The following GFRAL variants were observed in gnomAD, a reference collection of about 807,000 sequenced individuals.
GFRAL encodes GDNF family receptor alpha-like.
A neutral mutation model predicts 45.4 loss-of-function variants in GFRAL; 36 were observed. That is an observed-to-expected ratio of 0.79 (90% confidence interval 0.61 to 1.05). GFRAL has a LOEUF of 1.05. GFRAL is among the 50% of genes least tolerant of loss of function. The probability of loss-of-function intolerance (pLI) is 0.00; values close to 1 mark genes in which losing one functional copy is unlikely to be tolerated. For synonymous variants in GFRAL, 166 were observed against 154.1 expected, an observed-to-expected ratio of 1.08 and a Z score of -0.57; for missense variants, 507 against 467.5, an observed-to-expected ratio of 1.08 and a Z score of -0.78.
chr6:55,383,284 A>G (rs1768636165), intron 6 of GFRAL, among the ~76,000 whole-genome samples: 1 of 147,928 alleles, frequency 6.8e-6, no homozygotes, highest in African/African-American at 2.7e-5. Flanking sequence ...AATAGCAATT[A>G]CCTCAACAAT....
intron 6 of GFRAL, among the ~76,000 whole-genome samples, chr6:55,368,458 C>T (rs1166737236): frequency 2.1e-4 from 32 of 150,588 alleles, no homozygotes; most frequent in African/African-American, 4.4e-4. Context: ...AGTCATTCTC[C>T]GTCCAGCTTT....
At chr6:55,382,070 G>T (rs957654889) in intron 6 of GFRAL, among the ~76,000 whole-genome samples, 2 of 151,842 alleles carry the variant, frequency 1.3e-5, no homozygotes, top group Admixed American at 1.3e-4. Flanking sequence ...TGCTAAAAAA[G>T]CTTCTTGGTT....
At chr6:55,379,366 T>C (rs928275500) in intron 6 of GFRAL, among the ~76,000 whole-genome samples, 2 of 151,860 alleles carry the variant, frequency 1.3e-5, no homozygotes, top group East Asian at 1.9e-4. Flanking sequence ...TCTTTAACAC[T>C]CTGCCTTTAA....
chr6:55,374,342 C>T (rs566722032), intron 6 of GFRAL, among the ~76,000 whole-genome samples: 13 of 151,928 alleles, frequency 8.6e-5, no homozygotes, highest in African/African-American at 2.9e-4. Context: ...TCACAATGGT[C>T]GCATGTTAGT....
At chr6:55,391,244 C>G (rs2127365660) in intron 6 of GFRAL, among the ~76,000 whole-genome samples, 1 of 152,192 alleles carries the variant, frequency 6.6e-6, no homozygotes, top group Admixed American at 6.5e-5. Context: ...CAAATATTTT[C>G]TAAAACATCA....
At chr6:55,394,299 A>G in intron 6 of GFRAL, among the ~76,000 whole-genome samples, 1 of 152,168 alleles carries the variant, frequency 6.6e-6, no homozygotes. Flanking sequence ...TCATTGGAAA[A>G]CTGAGATCAC....
chr6:55,375,549 T>C (rs1768512473), intron 6 of GFRAL, among the ~76,000 whole-genome samples: 1 of 152,102 alleles, frequency 6.6e-6, no homozygotes, highest in Non-Finnish European at 1.5e-5. Context: ...TCCCTAGATA[T>C]AGGATCGTAT....
chr6:55,331,188 A>G (rs1159135375), intron 1 of GFRAL, among the ~76,000 whole-genome samples: 2 of 152,184 alleles, frequency 1.3e-5, no homozygotes, highest in East Asian at 3.8e-4. Flanking sequence ...GTATAAAATG[A>G]AAATAGAAAA....
At chr6:55,396,970 C>A (rs1431262879) in intron 6 of GFRAL, among the ~76,000 whole-genome samples, 1 of 150,824 alleles carries the variant, frequency 6.6e-6, no homozygotes, top group Non-Finnish European at 1.5e-5. Context: ...TCTGGAATGC[C>A]TGGGCTCAAG....
At chr6:55,398,504 G>T (rs78032787) in intron 6 of GFRAL, among the ~76,000 whole-genome samples, 6,544 of 152,270 alleles carry the variant, frequency 0.043, 204 homozygotes, top group African/African-American at 0.073. Flanking sequence ...TCAGTTAATT[G>T]TAACAATTGC....
chr6:55,362,682 C>G (rs112012206), intron 6 of GFRAL, among the ~76,000 whole-genome samples: 1 of 151,870 alleles, frequency 6.6e-6, no homozygotes. Context: ...TCCATTATAC[C>G]GAAGGAGTGA....
At chr6:55,399,687 TC>T (rs1348377673) in intron 8 of GFRAL, among the ~76,000 whole-genome samples, 5 of 152,130 alleles carry the variant, frequency 3.3e-5, no homozygotes, top group African/African-American at 1.2e-4. Flanking sequence ...CATTGTATGT[TC>T]CTTCCAATTA....
chr6:55,364,624 A>G (rs1314895017), intron 6 of GFRAL, among the ~76,000 whole-genome samples: 1 of 148,310 alleles, frequency 6.7e-6, no homozygotes, highest in Non-Finnish European at 1.5e-5. Flanking sequence ...TATAAGGTGT[A>G]AGGAAGGGAT....
intron 6 of GFRAL, among the ~76,000 whole-genome samples, chr6:55,363,546 C>G (rs1768308605): frequency 6.7e-6 from 1 of 149,038 alleles, no homozygotes; most frequent in African/African-American, 2.5e-5. Flanking sequence ...ACTAAATCGT[C>G]ATCTAGCATT....
At position 55,396,876 on chromosome 6, in the gene GFRAL, CT is replaced by C. The variant is rs369457794; in HGVS notation, c.953-2287del. Among the ~76,000 whole-genome samples, 664 of 127,846 alleles carry C rather than the reference CT, an allele frequency of 5.2e-3. 1 individual carries two copies. The highest frequency in any genetic ancestry group is 0.036 in the Middle Eastern group (8 of 222). The allele number at this position is 127,846 out of a possible 152,430, so 83.9% of individuals were successfully genotyped here. A position where few individuals can be genotyped will look rare whatever the true frequency, so the allele number is the denominator to read the frequency against. On this transcript the variant is annotated intron_variant, in intron 6 of 8. Coordinates refer to ENST00000340465, the MANE Select transcript of GFRAL (RefSeq NM_207410.2). ...ATTTTGCATTCTAACAAGGGGGAAG[CT>C]TTTTTTTTTTTTTTTTCTGGAGTCA...
chr6:55,377,534 G>T (rs942366848), intron 6 of GFRAL, among the ~76,000 whole-genome samples: 3 of 151,994 alleles, frequency 2.0e-5, no homozygotes, highest in African/African-American at 7.2e-5. Flanking sequence ...TTCAGAAAAA[G>T]ACATTACACT....
chr6:55,351,251 A>G lies in GFRAL; in HGVS notation c.371-2A>G. ...ACGACCTGGGCATATCATTGCTTTC[A>G]GGATTCAAAGGGATGTGGTCCTGTT... On this transcript the variant is annotated splice_acceptor_variant, in intron 4 of 8. Coordinates refer to ENST00000340465, the MANE Select transcript of GFRAL (RefSeq NM_207410.2). LOFTEE classifies it high-confidence loss of function. The G allele has an allele frequency of 1.9e-6, 3 of 1,572,308 alleles. No individual in the cohort carries two copies. The Middle Eastern group carries it at 5.1e-4, about 270-fold the overall frequency.
chr6:55,331,601 A>G (rs1316921302), intron 1 of GFRAL, 114 bp from the exon 2 acceptor site: 1 of 849,584 alleles, frequency 1.2e-6, no homozygotes, highest in African/African-American at 1.8e-5. Context: ...ACCATCAATT[A>G]TTTCACTACA....
chr6:55,375,453 T>C (rs553370717), intron 6 of GFRAL, among the ~76,000 whole-genome samples: 69 of 152,288 alleles, frequency 4.5e-4, no homozygotes, highest in African/African-American at 1.6e-3. Flanking sequence ...GGAATGCTAG[T>C]GATTTTTGCA....
Sources: gnomAD v4.1 joint callset for allele counts (sites outside exome capture counted in the v4.1 genomes callset) on GRCh38, gnomAD v4.1.1 for gene constraint, MANE v1.5 for transcripts, NCBI Gene and HGNC (gene_info 2026-07-23, HGNC 2026-07-21) for gene names.